Variants in TMEM132D observed in about 807,000 individuals in gnomAD.
The protein encoded by TMEM132D is transmembrane protein 132D, also known as mature OL transmembrane protein.
TMEM132D carries 21 observed loss-of-function variants against 62.3 expected under a neutral mutation model. The ratio of observed to expected loss-of-function variants is 0.34; its 90% CI spans 0.24 to 0.49. The LOEUF (loss-of-function observed/expected upper bound fraction) is 0.49. Among genes scored for constraint, TMEM132D ranks in the 20% least tolerant of loss-of-function variants. TMEM132D has a pLI of 0.99. For synonymous variants in TMEM132D, 621 were observed against 575.6 expected, an observed-to-expected ratio of 1.08 and a Z score of -1.13; for missense variants, 1,346 against 1,402.8, an observed-to-expected ratio of 0.96 and a Z score of 0.65.
intron 2 of TMEM132D, among the ~76,000 whole-genome samples, chr12:129,660,783 A>G (rs1027736320): frequency 1.2e-4 from 18 of 152,022 alleles, no homozygotes; most frequent in Admixed American, 1.0e-3. Flanking sequence ...GAAGAGGCAC[A>G]CCTAAGGGAT....
rs774723649 is a variant in TMEM132D at position 129,081,949 on chromosome 12, C to A, written c.1733G>T (p.Arg578Leu). 1.2e-6 allele frequency: 2 copies of A among 1,614,046 alleles called. No homozygotes were observed. Among genetic ancestry groups the A allele is most frequent in the Non-Finnish European group, 1.7e-6 (2 of 1,180,030 alleles). ...CTCAGCCACAAACTGCGTCAGGACC[C>A]GCACCATGGCGTGCTGGTACTGCAG... ...CTLQYQHAMV[R>L]VLTQFVAEAA... is the part of the protein sequence containing the mutation. The change falls in exon 7 of 9, where the codon CGG (arginine) becomes CTG (leucine). Residue 578 changes from arginine to leucine, a missense_variant. Physicochemically the swap from Arg to Leu is moderately radical, Grantham distance 102 (BLOSUM62 -2). Transcript: ENST00000422113.
At chr12:129,560,270 C>CT (rs3046687) in intron 2 of TMEM132D, among the ~76,000 whole-genome samples, 20,246 of 144,974 alleles carry the variant, frequency 0.14, 1,583 homozygotes, top group Middle Eastern at 0.26. Context: ...CTTTTGTTTT[C>CT]TTTTTTTTTT....
intron 5 of TMEM132D, among the ~76,000 whole-genome samples, chr12:129,172,176 T>C (rs1228668794): frequency 2.0e-5 from 3 of 152,270 alleles, no homozygotes; most frequent in Non-Finnish European, 4.4e-5. Context: ...CTTCTTTCCC[T>C]AAACCTCATG....
chr12:129,199,676 C>T (rs1404690669), intron 5 of TMEM132D, among the ~76,000 whole-genome samples: 9 of 152,138 alleles, frequency 5.9e-5, no homozygotes, highest in African/African-American at 2.2e-4. Flanking sequence ...TGGGAGGTCT[C>T]ACAATCACAG....
At chr12:129,160,986 C>G (rs1157302485) in intron 5 of TMEM132D, among the ~76,000 whole-genome samples, 3 of 152,220 alleles carry the variant, frequency 2.0e-5, no homozygotes, top group Non-Finnish European at 4.4e-5. Flanking sequence ...ATTCATCCAG[C>G]ATTTGCAAAT....
chr12:129,493,906 T>C (rs1238483253), intron 3 of TMEM132D, among the ~76,000 whole-genome samples: 1 of 152,160 alleles, frequency 6.6e-6, no homozygotes, highest in African/African-American at 2.4e-5. Flanking sequence ...GAGAAAAGCA[T>C]CAGAGACTCG....
At chr12:129,576,938 T>C (rs561916261) in intron 2 of TMEM132D, among the ~76,000 whole-genome samples, 14 of 152,014 alleles carry the variant, frequency 9.2e-5, no homozygotes, top group African/African-American at 2.9e-4. Flanking sequence ...GTTTACAAGA[T>C]GAATTGTCTG....
At chr12:129,363,253 T>C (rs1870307391) in intron 3 of TMEM132D, among the ~76,000 whole-genome samples, 1 of 152,200 alleles carries the variant, frequency 6.6e-6, no homozygotes. Context: ...CAAGTGAGCT[T>C]GTGTCCCCAA....
rs375666873 is a variant in TMEM132D at position 129,087,999 on chromosome 12, G to A, written c.1444-3297C>T. Among the ~76,000 whole-genome samples the A allele has an allele frequency of 9.0e-3, 719 of 80,052 alleles. 81 individuals are homozygous for A. The highest frequency in any genetic ancestry group is 0.029 in the African/African-American group (645 of 22,628). The allele number at this position is 80,052 out of a possible 152,430, so 52.5% of individuals were successfully genotyped here. On this transcript the variant is annotated intron_variant, in intron 5 of 8. Coordinates refer to ENST00000422113, the MANE Select transcript of TMEM132D (RefSeq NM_133448.3). Reference sequence around the variant, plus strand: ...TGACCGGGTGTCCTCCATGACCGGGGTGTCCTCCATGACCGGGTGTCCTCC... The same window carrying A: ...TGACCGGGTGTCCTCCATGACCGGGATGTCCTCCATGACCGGGTGTCCTCC...
In TMEM132D at chr12:129,213,365, T is replaced by C. The variant is rs527803514; in HGVS notation, c.1300-3702A>G. ...AAAAAAGTTTATCCAGGTGTGATGG[T>C]ACATGCCTGTAGTCCCAACTACTTG... On this transcript the variant is annotated intron_variant, in intron 4 of 8. Transcript: ENST00000422113. Among the ~76,000 whole-genome samples the C allele has an allele frequency of 3.3e-5, 5 of 152,130 alleles. No homozygotes were observed. In the East Asian group the frequency reaches 9.7e-4, roughly 29 times the overall value.
At chr12:129,425,419 T>TTTTTC (rs1555254999) in intron 3 of TMEM132D, among the ~76,000 whole-genome samples, 1,559 of 151,094 alleles carry the variant, frequency 0.01, 20 homozygotes, top group Admixed American at 0.02. Context: ...TTTTTTTTTT[T>TTTTTC]CTAATCTCTG....
At chr12:129,701,494 G>A (rs1393811480) in intron 1 of TMEM132D, among the ~76,000 whole-genome samples, 1 of 152,180 alleles carries the variant, frequency 6.6e-6, no homozygotes, top group African/African-American at 2.4e-5. Flanking sequence ...TAAGAAGCAC[G>A]GGAAGGGCAG....
intron 5 of TMEM132D, among the ~76,000 whole-genome samples, chr12:129,094,624 T>C (rs151236972): frequency 0.057 from 8,655 of 152,162 alleles, 853 homozygotes; most frequent in African/African-American, 0.2. Context: ...GTCAGTGTGG[T>C]GATTCCTCAG....
chr12:129,424,360 T>G (rs9971874), intron 3 of TMEM132D, among the ~76,000 whole-genome samples: 4,954 of 152,264 alleles, frequency 0.033, 102 homozygotes, highest in South Asian at 0.051. Flanking sequence ...CCATACATCC[T>G]CTTTTCCTTC....
intron 1 of TMEM132D, among the ~76,000 whole-genome samples, chr12:129,866,100 C>T (rs565119781): frequency 2.8e-4 from 42 of 152,058 alleles, no homozygotes; most frequent in Non-Finnish European, 5.1e-4. Context: ...AGATGGCACA[C>T]AAATGGCCAA....
At chr12:129,186,448 C>A (rs7314703) in intron 5 of TMEM132D, among the ~76,000 whole-genome samples, 1 of 151,930 alleles carries the variant, frequency 6.6e-6, no homozygotes, top group Non-Finnish European at 1.5e-5. Context: ...GGGGCCCAGG[C>A]TTTACTTTCT....
At chr12:129,142,304 C>A (rs1236590052) in intron 5 of TMEM132D, among the ~76,000 whole-genome samples, 2 of 152,106 alleles carry the variant, frequency 1.3e-5, no homozygotes, top group African/African-American at 4.8e-5. Flanking sequence ...GAAAGCAACC[C>A]TGATTCTCTG....
At chr12:129,318,287 G>A (rs1868557514) in intron 4 of TMEM132D, among the ~76,000 whole-genome samples, 1 of 152,218 alleles carries the variant, frequency 6.6e-6, no homozygotes, top group Admixed American at 6.5e-5. Flanking sequence ...TTAGAGGGAA[G>A]GTCTAGGGCT....
At chr12:129,270,819 G>A (rs1880833286) in intron 4 of TMEM132D, among the ~76,000 whole-genome samples, 1 of 152,178 alleles carries the variant, frequency 6.6e-6, no homozygotes, top group South Asian at 2.1e-4. Flanking sequence ...CTCCAATTTG[G>A]TACATGTCAA....
Sources: gnomAD v4.1 joint callset for allele counts (sites outside exome capture counted in the v4.1 genomes callset) on GRCh38, gnomAD v4.1.1 for gene constraint, MANE v1.5 for transcripts, NCBI Gene and HGNC (gene_info 2026-07-23, HGNC 2026-07-21) for gene names.